GATA6: variants seen among roughly 807,000 people sequenced by gnomAD.
The protein encoded by GATA6 is transcription factor GATA-6.
Under a neutral mutation model 48.1 loss-of-function variants are expected in GATA6, and 11 were observed. The observed-to-expected ratio is 0.23, with a 90% CI of 0.14 to 0.38. The LOEUF (loss-of-function observed/expected upper bound fraction) is 0.38, where lower values mean the gene tolerates loss of function less well. GATA6 is among the 10% of genes least tolerant of loss of function. GATA6 has a pLI of 1.00. For synonymous variants in GATA6, 419 were observed against 396.1 expected (o/e 1.06, Z -0.69); for missense variants, 795 against 850.3 (o/e 0.93, Z 0.81).
intron 3 of GATA6, chr18:22,180,250 AT>A (rs893024334): frequency 1.3e-5 from 2 of 152,102 alleles, no homozygotes; most frequent in African/African-American, 4.8e-5. Context: ...CTATGTCACA[AT>A]TTTTAAAGTA....
chr18:22,197,079 C>CTT (rs34814440), intron 6 of GATA6, among the ~76,000 whole-genome samples: 6,257 of 133,610 alleles, frequency 0.047, 304 homozygotes, highest in African/African-American at 0.12. Context: ...TTAGCCAATT[C>CTT]TTTTTTTTTT....
At chr18:22,198,354 A>C (rs1272658261) in intron 6 of GATA6, among the ~76,000 whole-genome samples, 1 of 152,104 alleles carries the variant, frequency 6.6e-6, no homozygotes, top group East Asian at 1.9e-4. Context: ...TAAAGGCACG[A>C]GCCACCGTGC....
chr18:22,190,158 T>C (rs1175304144), intron 6 of GATA6, among the ~76,000 whole-genome samples: 1 of 152,242 alleles, frequency 6.6e-6, no homozygotes, highest in African/African-American at 2.4e-5. Flanking sequence ...TGTGAGAAGT[T>C]ATTTGCTCTT....
chr18:22,173,003 C>A, intron 2 of GATA6, among the ~76,000 whole-genome samples: 1 of 152,178 alleles, frequency 6.6e-6, no homozygotes, highest in South Asian at 2.1e-4. Context: ...CTCACATGGC[C>A]AGGCTGCAAC....
intron 6 of GATA6, among the ~76,000 whole-genome samples, chr18:22,189,296 G>T (rs2033300132): frequency 6.6e-6 from 1 of 152,192 alleles, no homozygotes; most frequent in Non-Finnish European, 1.5e-5. Flanking sequence ...GGCCTCTGAA[G>T]AAAGCTTAGG....
chr18:22,191,406 AAAC>A (rs1054020855), intron 6 of GATA6, among the ~76,000 whole-genome samples: 2 of 149,724 alleles, frequency 1.3e-5, no homozygotes, highest in African/African-American at 4.9e-5. Flanking sequence ...AATTGTCAGA[AAAC>A]ATGAAATAAT....
chr18:22,174,549 A>T (rs990978012), intron 2 of GATA6, among the ~76,000 whole-genome samples: 1 of 152,002 alleles, frequency 6.6e-6, no homozygotes, highest in Non-Finnish European at 1.5e-5. Flanking sequence ...AAGTATGTTT[A>T]AAAAAATGGG....
Position 22,172,091 on chromosome 18 carries a change from C to A in GATA6, c.947C>A (p.Ala316Glu), listed in dbSNP as rs2033059893. The change falls in exon 2 of 7, where the codon GCG (alanine) becomes GAG (glutamate). Residue 316 changes from alanine (A) to glutamate (E), a missense_variant. Physicochemically the swap from Ala to Glu is moderately radical, Grantham distance 107. Transcript: ENST00000269216. The surrounding 1 kb of genome is among the most constrained non-coding windows in gnomAD (Gnocchi z 5.2). ...REPQYSSLSA[A>E]RPLNGTYHHH... ...CCCCAGTACAGCTCGCTGTCGGCCG[C>A]GCGGCCGCTGAACGGGACGTACCAC... 2 of 1,466,346 alleles carry A rather than the reference C, an allele frequency of 1.4e-6. No homozygotes were observed. Among genetic ancestry groups the A allele is most frequent in the Middle Eastern group, 1.9e-4 (1 of 5,252 alleles). 90.8% of individuals were successfully genotyped at this position (1,466,346 alleles called of 1,614,324 possible). A position where few individuals can be genotyped will look rare whatever the true frequency, so the allele number is the denominator to read the frequency against.
At chr18:22,175,119 T>A (rs1281146015) in intron 2 of GATA6, among the ~76,000 whole-genome samples, 1 of 152,160 alleles carries the variant, frequency 6.6e-6, no homozygotes, top group Non-Finnish European at 1.5e-5. Flanking sequence ...AGCTTTTATA[T>A]CTTACAGCTT....
intron 6 of GATA6, 64 bp downstream of exon 6, chr18:22,183,107 T>C (rs1236346635): frequency 1.6e-6 from 2 of 1,258,224 alleles, no homozygotes; most frequent in African/African-American, 3.0e-5. Context: ...TTATCTCAAA[T>C]TTTATCTTAT....
At chr18:22,191,838 A>T (rs2033331361) in intron 6 of GATA6, among the ~76,000 whole-genome samples, 1 of 152,174 alleles carries the variant, frequency 6.6e-6, no homozygotes, top group Admixed American at 6.5e-5. Context: ...ATACATAACT[A>T]GGCATTGATT....
intron 6 of GATA6, among the ~76,000 whole-genome samples, chr18:22,189,984 C>T (rs905435137): frequency 1.2e-4 from 18 of 152,182 alleles, no homozygotes; most frequent in Non-Finnish European, 2.9e-5. Flanking sequence ...CTGGCTGATG[C>T]GGTCAGTGTT....
intron 6 of GATA6, among the ~76,000 whole-genome samples, chr18:22,188,112 T>C (rs1393463688): frequency 1.3e-5 from 2 of 152,110 alleles, no homozygotes; most frequent in African/African-American, 4.8e-5. Flanking sequence ...AAGTAAACCC[T>C]ATTTAAGTTA....
At chr18:22,192,331 AAAT>A (rs1386176919) in intron 6 of GATA6, among the ~76,000 whole-genome samples, 2 of 152,220 alleles carry the variant, frequency 1.3e-5, no homozygotes, top group Non-Finnish European at 2.9e-5. Flanking sequence ...AGCACTACTT[AAAT>A]ACGGGTCTTG....
In GATA6 at chr18:22,171,195, G is replaced by C; in HGVS notation, c.51G>C (p.Ala17=). The change falls in exon 2 of 7, where the codon GCG becomes GCC. Residue 17 remains alanine, a synonymous_variant. Coordinates refer to ENST00000269216, the MANE Select transcript of GATA6 (RefSeq NM_005257.6). This position sits in a 1 kb window ranked among gnomAD's most constrained non-coding sequence, Gnocchi z 7.1. ...GWCLPKRFGA[A]GADASDSRAF... is the part of the protein sequence containing the mutation. ...GCTTGCCGAAGCGCTTCGGGGCCGC[G>C]GGTGCGGACGCCAGCGACTCCAGAG... The C allele has an allele frequency of 6.3e-7, 1 of 1,599,908 alleles. No individual in the cohort carries two copies. The highest frequency in any genetic ancestry group is 8.5e-7 in the Non-Finnish European group (1 of 1,179,544).
intron 5 of GATA6, 41 bp from the exon 6 acceptor site, chr18:22,182,899 G>C: frequency 6.3e-7 from 1 of 1,595,404 alleles, no homozygotes; most frequent in Non-Finnish European, 8.6e-7. Context: ...CTTAACAGTA[G>C]AGCATATGTA....
intron 6 of GATA6, among the ~76,000 whole-genome samples, chr18:22,194,621 A>G (rs754429679): frequency 6.6e-6 from 1 of 152,156 alleles, no homozygotes; most frequent in Non-Finnish European, 1.5e-5. Context: ...GGGAAAATAT[A>G]TCAACCAATT....
chr18:22,170,245 G>T lies in GATA6; in HGVS notation c.-38+563G>T, dbSNP rs1195561144. ...CTCTCCGCTCCACCCCGCTACGTCC[G>T]ATTCCGGAACGGTCCGGCGTTTCTG... On this transcript the variant is annotated intron_variant, in intron 1 of 6. Coordinates refer to ENST00000269216, the MANE Select transcript of GATA6 (RefSeq NM_005257.6). The surrounding 1 kb of genome is among the most constrained non-coding windows in gnomAD (Gnocchi z 6.7). Among the ~76,000 whole-genome samples the T allele has an allele frequency of 6.6e-6, 1 of 152,144 alleles. No homozygotes were observed. Among genetic ancestry groups the T allele is most frequent in the Non-Finnish European group, 1.5e-5 (1 of 68,026 alleles).
chr18:22,199,672 G>T (rs531997522), intron 6 of GATA6, among the ~76,000 whole-genome samples: 1 of 152,136 alleles, frequency 6.6e-6, no homozygotes, highest in Non-Finnish European at 1.5e-5. Context: ...GGAGGCCCAG[G>T]CAAGCAGATC....
Sources: allele counts gnomAD v4.1 joint callset (sites outside exome capture counted in the v4.1 genomes callset), GRCh38; gene constraint gnomAD v4.1.1; non-coding constraint Gnocchi (gnomAD v3.1); transcripts MANE v1.5; gene names NCBI Gene and HGNC (gene_info 2026-07-23, HGNC 2026-07-21).